CFAP141: variants seen among roughly 807,000 people sequenced by gnomAD.
CFAP141 encodes cilia- and flagella-associated protein 141.
the CFAP141 span, among the ~76,000 whole-genome samples, chr1:154,202,217 C>T: frequency 2.6e-5 from 4 of 151,526 alleles, no homozygotes; most frequent in South Asian, 2.1e-4. Flanking sequence ...GGATTACAGG[C>T]GTAAGCCACC....
At chr1:154,203,906 C>T in the CFAP141 span, among the ~76,000 whole-genome samples, 29 of 152,200 alleles carry the variant, frequency 1.9e-4, no homozygotes, top group Non-Finnish European at 3.1e-4. Context: ...GAAACCCCAA[C>T]GTGGTGAAAC....
chr1:154,200,915 C>G, the CFAP141 span, among the ~76,000 whole-genome samples: 5 of 152,120 alleles, frequency 3.3e-5, no homozygotes, highest in African/African-American at 1.2e-4. Context: ...AACTCCTGAC[C>G]TCAGGTGATC....
At chr1:154,205,038 T>C in the CFAP141 span, among the ~76,000 whole-genome samples, 1 of 151,630 alleles carries the variant, frequency 6.6e-6, no homozygotes, top group African/African-American at 2.4e-5. Context: ...CACACTACCA[T>C]GCCTGGCTAA....
the CFAP141 span, among the ~76,000 whole-genome samples, chr1:154,201,570 T>TA: frequency 2.6e-5 from 4 of 152,086 alleles, no homozygotes; most frequent in South Asian, 6.2e-4. Flanking sequence ...GTATTTTTAG[T>TA]AGAGACGAGG....
the CFAP141 span, among the ~76,000 whole-genome samples, chr1:154,204,406 T>C: frequency 6.6e-6 from 1 of 152,144 alleles, no homozygotes; most frequent in African/African-American, 2.4e-5. Context: ...CAGAATCTCC[T>C]AGGGTTAAGA....
chr1:154,202,889 G>C, the CFAP141 span, among the ~76,000 whole-genome samples: 1 of 151,864 alleles, frequency 6.6e-6, no homozygotes, highest in Admixed American at 6.6e-5. Context: ...GGGAGGCTGA[G>C]GCGGGCAGAT....
chr1:154,200,499 A>G, the CFAP141 span: 1 of 1,614,192 alleles, frequency 6.2e-7, no homozygotes, highest in Non-Finnish European at 8.5e-7. Context: ...TTCCTGTACC[A>G]TGGTGTCCTG....
At chr1:154,202,061 T>A in the CFAP141 span, among the ~76,000 whole-genome samples, 6 of 151,986 alleles carry the variant, frequency 3.9e-5, no homozygotes, top group African/African-American at 1.5e-4. Flanking sequence ...CTCAGACTCC[T>A]GAGTAGCTGG....
the CFAP141 span, among the ~76,000 whole-genome samples, chr1:154,204,089 C>T: frequency 6.8e-4 from 98 of 143,510 alleles, no homozygotes; most frequent in African/African-American, 2.3e-3. Context: ...GAAACTCCAT[C>T]TCAATAAATA....
the CFAP141 span, among the ~76,000 whole-genome samples, chr1:154,204,727 A>G: frequency 6.7e-6 from 1 of 150,092 alleles, no homozygotes; most frequent in East Asian, 2.0e-4. Flanking sequence ...ACACCTAGCT[A>G]ATTTTAATTT....
At chr1:154,203,777 A>T in the CFAP141 span, among the ~76,000 whole-genome samples, 5 of 152,088 alleles carry the variant, frequency 3.3e-5, no homozygotes, top group Non-Finnish European at 7.4e-5. Context: ...CTTCTTTTTT[A>T]AAAAACATGT....
chr1:154,204,240 A>AT, the CFAP141 span, among the ~76,000 whole-genome samples: 2 of 152,124 alleles, frequency 1.3e-5, no homozygotes, highest in East Asian at 1.9e-4. Flanking sequence ...ATTTTGATAG[A>AT]TTTTATCAAA....
At chr1:154,199,390 G>A in the CFAP141 span, 2 of 1,386,878 alleles carry the variant, frequency 1.4e-6, no homozygotes, top group South Asian at 1.2e-5. Flanking sequence ...AGGTTAGCAG[G>A]CATGTTGAGA....
chr1:154,201,777 A>AT, the CFAP141 span, among the ~76,000 whole-genome samples: 534 of 146,084 alleles, frequency 3.7e-3, 6 homozygotes, highest in Middle Eastern at 0.031. Context: ...TGAAGTTTTA[A>AT]TTTTTTTTTT....
At chr1:154,200,690 C>CT in the CFAP141 span, 1,057 of 1,309,308 alleles carry the variant, frequency 8.1e-4, 1 homozygote, top group Admixed American at 9.1e-4. Flanking sequence ...TTTTTCTTTT[C>CT]TTTTTTTTTG....
chr1:154,200,076 T>C, the CFAP141 span, among the ~76,000 whole-genome samples: 2 of 152,234 alleles, frequency 1.3e-5, no homozygotes, highest in East Asian at 3.9e-4. Flanking sequence ...GGTTTTGGCA[T>C]GTTGGTCAAG....
At chr1:154,201,873 C>A in the CFAP141 span, among the ~76,000 whole-genome samples, 23 of 152,094 alleles carry the variant, frequency 1.5e-4, no homozygotes, top group Middle Eastern at 6.8e-3. Flanking sequence ...CAGGTTCAAG[C>A]AATTCTCATG....
the CFAP141 span, among the ~76,000 whole-genome samples, chr1:154,205,383 A>T: frequency 6.6e-6 from 1 of 152,222 alleles, no homozygotes. Flanking sequence ...GAGGCAGGGG[A>T]CAATAAAAAC....
chr1:154,200,364 T>C, the CFAP141 span: 1 of 1,318,380 alleles, frequency 7.6e-7, no homozygotes, highest in Non-Finnish European at 1.1e-6. Context: ...ACAAGATAAA[T>C]GTGCAATGAC....
Sources: gnomAD v4.1 joint callset for allele counts (sites outside exome capture counted in the v4.1 genomes callset) on GRCh38, gnomAD v4.1.1 for gene constraint, MANE v1.5 for transcripts, NCBI Gene and HGNC (gene_info 2026-07-23, HGNC 2026-07-21) for gene names.